The following RETREG1 variants were observed in gnomAD, a reference collection of about 807,000 sequenced individuals.
The protein encoded by RETREG1 is family with sequence similarity 134 member B.
Under a neutral mutation model 54.8 loss-of-function variants are expected in RETREG1, and 44 were observed. The observed-to-expected ratio is 0.80, with a 90% CI of 0.63 to 1.03. RETREG1 has a LOEUF of 1.03. Among genes scored for constraint, RETREG1 ranks in the 50% least tolerant of loss-of-function variants. The probability of loss-of-function intolerance (pLI) is 0.00; values close to 1 mark genes in which losing one functional copy is unlikely to be tolerated. For synonymous variants in RETREG1, 217 were observed against 238.5 expected (o/e 0.91, Z 0.83); for missense variants, 554 against 605.1 (o/e 0.92, Z 0.89).
intron 1 of RETREG1, among the ~76,000 whole-genome samples, chr5:16,587,302 A>C (rs182179233): frequency 1.3e-5 from 2 of 152,326 alleles, no homozygotes; most frequent in East Asian, 3.9e-4. Flanking sequence ...CATCGCATGT[A>C]ATGTTCCTAA....
chr5:16,606,075 T>A (rs1561137546), intron 1 of RETREG1, among the ~76,000 whole-genome samples: 2 of 152,148 alleles, frequency 1.3e-5, no homozygotes, highest in Admixed American at 6.5e-5. Context: ...TGGATAGCCA[T>A]GTCCTCCACT....
chr5:16,508,267 C>T (rs1458098518), intron 3 of RETREG1, among the ~76,000 whole-genome samples: 2 of 152,170 alleles, frequency 1.3e-5, no homozygotes, highest in African/African-American at 4.8e-5. Context: ...ATGTTAAAAA[C>T]TCAACATTAA....
At chr5:16,589,670 T>TGCAA (rs1367973291) in intron 1 of RETREG1, among the ~76,000 whole-genome samples, 1 of 152,150 alleles carries the variant, frequency 6.6e-6, no homozygotes, top group Non-Finnish European at 1.5e-5. Flanking sequence ...CCAGGCCCAA[T>TGCAA]GCAAGTCTTC....
chr5:16,514,912 T>TATAA (rs1011169016), intron 3 of RETREG1, among the ~76,000 whole-genome samples: 2 of 143,158 alleles, frequency 1.4e-5, no homozygotes, highest in Non-Finnish European at 3.0e-5. Context: ...TATATATATA[T>TATAA]AATATATATT....
At chr5:16,570,232 A>G (rs1442412452) in intron 2 of RETREG1, among the ~76,000 whole-genome samples, 1 of 152,094 alleles carries the variant, frequency 6.6e-6, no homozygotes, top group Non-Finnish European at 1.5e-5. Context: ...CTATTCTACT[A>G]CCTTAATTTT....
At chr5:16,475,952 T>G (rs1380978791) in intron 8 of RETREG1, among the ~76,000 whole-genome samples, 1 of 152,232 alleles carries the variant, frequency 6.6e-6, no homozygotes, top group African/African-American at 2.4e-5. Flanking sequence ...ATTTGAAATC[T>G]TCAATTAATG....
intron 3 of RETREG1, among the ~76,000 whole-genome samples, chr5:16,485,731 T>C (rs956558688): frequency 2.0e-5 from 3 of 152,236 alleles, no homozygotes; most frequent in African/African-American, 7.2e-5. Context: ...CTAAAAACTC[T>C]CTTTAGCATT....
At chr5:16,495,566 C>T (rs997830445) in intron 3 of RETREG1, among the ~76,000 whole-genome samples, 4 of 152,172 alleles carry the variant, frequency 2.6e-5, no homozygotes, top group African/African-American at 7.2e-5. Context: ...AGGTACAGCT[C>T]GGGCTGCTGC....
intron 1 of RETREG1, among the ~76,000 whole-genome samples, chr5:16,577,098 G>C (rs1351268529): frequency 4.6e-5 from 7 of 152,004 alleles, no homozygotes; most frequent in Non-Finnish European, 1.0e-4. Flanking sequence ...TGCTGAAATT[G>C]GCAGATGTGG....
intron 1 of RETREG1, among the ~76,000 whole-genome samples, chr5:16,590,881 A>G (rs1742750140): frequency 6.7e-6 from 1 of 148,258 alleles, no homozygotes; most frequent in Admixed American, 6.8e-5. Context: ...AAACATACAC[A>G]CACACGCACA....
At chr5:16,569,287 CTTTT>C (rs59365372) in intron 2 of RETREG1, among the ~76,000 whole-genome samples, 7 of 140,798 alleles carry the variant, frequency 5.0e-5, no homozygotes, top group Non-Finnish European at 7.7e-5. Flanking sequence ...CCATTTCTTT[CTTTT>C]TTTTTTTTTT....
Position 16,561,783 on chromosome 5 carries a change from T to G in RETREG1, c.458+3980A>C, listed in dbSNP as rs1040438938. Among the ~76,000 whole-genome samples, 1 of 152,198 alleles carries G rather than the reference T, an allele frequency of 6.6e-6. No homozygotes were observed. The highest frequency in any genetic ancestry group is 6.5e-5 in the Admixed American group (1 of 15,280). ...AGACAGCACAGCAGAAATTCTCACA[T>G]GCAAATTTTAGATGCATTCAGAAGG... On this transcript the variant is annotated intron_variant, in intron 3 of 8. Coordinates refer to ENST00000306320, the MANE Select transcript of RETREG1 (RefSeq NM_001034850.3). This position sits in a 1 kb window ranked among gnomAD's most constrained non-coding sequence, Gnocchi z 4.2.
chr5:16,483,310 A>C (rs573353477), intron 4 of RETREG1, 36 bp downstream of exon 4: 1 of 1,611,214 alleles, frequency 6.2e-7, no homozygotes, highest in South Asian at 1.1e-5. Flanking sequence ...AAGTAACTGA[A>C]CATTTTAAAA....
chr5:16,538,158 G>A (rs990609343), intron 3 of RETREG1, among the ~76,000 whole-genome samples: 5 of 152,226 alleles, frequency 3.3e-5, no homozygotes, highest in African/African-American at 4.8e-5. Flanking sequence ...ACTCCCCACC[G>A]GACCCCACCT....
intron 1 of RETREG1, among the ~76,000 whole-genome samples, chr5:16,611,517 C>T (rs1293629891): frequency 6.6e-6 from 1 of 152,302 alleles, no homozygotes; most frequent in East Asian, 1.9e-4. Flanking sequence ...AGGAAACGGA[C>T]CTTTCACTCC....
At chr5:16,535,547 G>T (rs2126600021) in intron 3 of RETREG1, among the ~76,000 whole-genome samples, 1 of 151,716 alleles carries the variant, frequency 6.6e-6, no homozygotes, top group African/African-American at 2.4e-5. Flanking sequence ...CCTTCGCAGA[G>T]TGGGAGCTGG....
At chr5:16,509,693 C>A (rs1480209819) in intron 3 of RETREG1, among the ~76,000 whole-genome samples, 2 of 151,644 alleles carry the variant, frequency 1.3e-5, no homozygotes, top group Non-Finnish European at 2.9e-5. Context: ...TATTAAGAAA[C>A]AATATTATTT....
At chr5:16,497,527 T>C (rs1294569257) in intron 3 of RETREG1, among the ~76,000 whole-genome samples, 1 of 152,222 alleles carries the variant, frequency 6.6e-6, no homozygotes, top group East Asian at 1.9e-4. Context: ...CTTCAGATTT[T>C]CCTGGGTAAA....
chr5:16,526,449 C>A (rs370720242), intron 3 of RETREG1, among the ~76,000 whole-genome samples: 1 of 152,258 alleles, frequency 6.6e-6, no homozygotes, highest in East Asian at 1.9e-4. Context: ...GAGGCTCCCC[C>A]CAAGCATTAC....
Sources: allele counts gnomAD v4.1 joint callset (sites outside exome capture counted in the v4.1 genomes callset), GRCh38; gene constraint gnomAD v4.1.1; non-coding constraint Gnocchi (gnomAD v3.1); transcripts MANE v1.5; gene names NCBI Gene and HGNC (gene_info 2026-07-23, HGNC 2026-07-21).